DAB1: variants seen among roughly 807,000 people sequenced by gnomAD.
DAB1 encodes DAB adaptor protein 1, also known as disabled homolog 1.
In DAB1, 15 loss-of-function variants were observed where a neutral mutation model predicts 64.6. The observed-to-expected ratio is 0.23, with a 90% CI of 0.16 to 0.36. DAB1 has a LOEUF of 0.36. Ranked by LOEUF, DAB1 falls within the 10% of genes least tolerant of loss-of-function variation. The probability of loss-of-function intolerance (pLI) is 1.00; values close to 1 mark genes in which losing one functional copy is unlikely to be tolerated. For synonymous variants in DAB1, 235 were observed against 251.9 expected, an observed-to-expected ratio of 0.93 and a Z score of 0.64; for missense variants, 596 against 706.7, an observed-to-expected ratio of 0.84 and a Z score of 1.78.
intron 7 of DAB1, among the ~76,000 whole-genome samples, chr1:57,627,445 A>G (rs1268165339): frequency 6.6e-6 from 1 of 152,168 alleles, no homozygotes; most frequent in African/African-American, 2.4e-5. Flanking sequence ...GATAGCTACC[A>G]TTGCTGGAAC....
chr1:57,873,750 T>C (rs1048155311), intron 1 of DAB1, among the ~76,000 whole-genome samples: 1 of 152,286 alleles, frequency 6.6e-6, no homozygotes, highest in African/African-American at 2.4e-5. Context: ...ATGGGGACAA[T>C]AAGAGTATTC....
chr1:58,204,373 C>T (rs1368723192), intron 4 of DAB1, among the ~76,000 whole-genome samples: 1 of 152,130 alleles, frequency 6.6e-6, no homozygotes, highest in Non-Finnish European at 1.5e-5. Context: ...CATCTATGCC[C>T]CCTGCATCAA....
intron 7 of DAB1, among the ~76,000 whole-genome samples, chr1:57,610,773 G>A (rs1645716107): frequency 6.6e-6 from 1 of 152,116 alleles, no homozygotes. Flanking sequence ...AAGAGCATGA[G>A]GGAAACCACC....
rs149043984 is a variant in DAB1 at position 57,031,669 on chromosome 1, C to T, written c.724-5626G>A. On this transcript the variant is annotated intron_variant, in intron 9 of 14. Coordinates refer to ENST00000371236, the MANE Select transcript of DAB1 (RefSeq NM_001365792.1). ...TTCATCGATCCATCACTTTACCAAA[C>T]CTTAGTTAGCCTTGCTAAATAGTGG... Among the ~76,000 whole-genome samples the T allele has an allele frequency of 4.9e-3, 745 of 152,374 alleles. 4 individuals are homozygous for T. Among genetic ancestry groups the T allele is most frequent in the Middle Eastern group, 0.014 (4 of 294 alleles).
intron 7 of DAB1, among the ~76,000 whole-genome samples, chr1:57,617,528 C>T (rs921935462): frequency 2.0e-5 from 3 of 152,130 alleles, no homozygotes; most frequent in Non-Finnish European, 4.4e-5. Flanking sequence ...AACACTCTTG[C>T]CCTACAAGCT....
At chr1:57,044,283 T>G (rs1216553165) in intron 9 of DAB1, among the ~76,000 whole-genome samples, 1 of 152,232 alleles carries the variant, frequency 6.6e-6, no homozygotes, top group Admixed American at 6.5e-5. Context: ...GGACTTGGTT[T>G]GACTTGTACC....
At chr1:57,766,979 G>A (rs562493776) in intron 6 of DAB1, among the ~76,000 whole-genome samples, 2 of 152,278 alleles carry the variant, frequency 1.3e-5, no homozygotes, top group African/African-American at 4.8e-5. Flanking sequence ...GAGATGCATA[G>A]AACAAGGTAT....
At chr1:57,147,732 T>C (rs894151677) in intron 2 of DAB1, among the ~76,000 whole-genome samples, 2 of 152,156 alleles carry the variant, frequency 1.3e-5, no homozygotes, top group Admixed American at 6.6e-5. Context: ...TTAATTATAA[T>C]CACAATACCA....
chr1:57,740,929 G>C (rs915500007), intron 6 of DAB1, among the ~76,000 whole-genome samples: 1 of 152,160 alleles, frequency 6.6e-6, no homozygotes, highest in Non-Finnish European at 1.5e-5. Context: ...GAGTAAAGGA[G>C]GGCTTCATGG....
intron 5 of DAB1, among the ~76,000 whole-genome samples, chr1:58,140,038 A>C (rs1654189231): frequency 6.6e-6 from 1 of 152,232 alleles, no homozygotes; most frequent in Non-Finnish European, 1.5e-5. Context: ...TATTTTGTGC[A>C]TCTGGAAGAT....
intron 2 of DAB1, among the ~76,000 whole-genome samples, chr1:57,222,724 G>A (rs75576254): frequency 3.3e-4 from 50 of 152,178 alleles, no homozygotes; most frequent in Non-Finnish European, 3.8e-4. Flanking sequence ...ATACATACAC[G>A]AGACCCATTG....
intron 3 of DAB1, among the ~76,000 whole-genome samples, chr1:58,467,289 C>T (rs1415606454): frequency 2.6e-5 from 4 of 152,236 alleles, no homozygotes; most frequent in African/African-American, 9.6e-5. Context: ...CCAGCTGCCC[C>T]ACTGCAGACC....
At chr1:57,193,552 A>G (rs1320160828) in intron 2 of DAB1, among the ~76,000 whole-genome samples, 2 of 151,718 alleles carry the variant, frequency 1.3e-5, no homozygotes, top group Non-Finnish European at 2.9e-5. Context: ...ATGCCCAGCT[A>G]ATTTTTTGTA....
intron 7 of DAB1, among the ~76,000 whole-genome samples, chr1:57,499,117 A>G (rs1295057655): frequency 6.6e-6 from 1 of 152,170 alleles, no homozygotes; most frequent in East Asian, 1.9e-4. Context: ...CTGGGACTAC[A>G]GATGCACACC....
intron 9 of DAB1, among the ~76,000 whole-genome samples, chr1:57,050,878 G>C (rs1040750626): frequency 2.0e-5 from 3 of 152,152 alleles, no homozygotes; most frequent in Non-Finnish European, 1.5e-5. Flanking sequence ...TGAATAAATA[G>C]AAATTGTAAG....
intron 6 of DAB1, among the ~76,000 whole-genome samples, chr1:57,677,279 T>G (rs1287703512): frequency 6.6e-6 from 1 of 152,242 alleles, no homozygotes; most frequent in Admixed American, 6.5e-5. Flanking sequence ...TCTATGGTAT[T>G]TTGTCATGGC....
chr1:58,391,455 A>C (rs1644475318), intron 3 of DAB1, among the ~76,000 whole-genome samples: 1 of 152,244 alleles, frequency 6.6e-6, no homozygotes, highest in South Asian at 2.1e-4. Context: ...CGCAGAGAGG[A>C]AAATATGTGA....
At chr1:57,322,597 C>T (rs986890338) in intron 1 of DAB1, among the ~76,000 whole-genome samples, 2 of 152,122 alleles carry the variant, frequency 1.3e-5, no homozygotes, top group Non-Finnish European at 2.9e-5. Context: ...AAGTTTTCTC[C>T]AATGTCATTG....
chr1:57,089,584 G>C (rs535288222), intron 4 of DAB1, among the ~76,000 whole-genome samples: 1 of 152,072 alleles, frequency 6.6e-6, no homozygotes, highest in South Asian at 2.1e-4. Context: ...GTGAGGGATG[G>C]GGGAGCTGCC....
Sources: allele counts gnomAD v4.1 joint callset (sites outside exome capture counted in the v4.1 genomes callset), GRCh38; gene constraint gnomAD v4.1.1; transcripts MANE v1.5; gene names NCBI Gene and HGNC (gene_info 2026-07-23, HGNC 2026-07-21).